CNTNAP2: variants seen among roughly 807,000 people sequenced by gnomAD.
CNTNAP2 encodes the protein contactin associated protein 2.
In CNTNAP2, 98 loss-of-function variants were observed where a neutral mutation model predicts 155.2. The ratio of observed to expected loss-of-function variants is 0.63; its 90% CI spans 0.54 to 0.75. CNTNAP2 has a LOEUF of 0.75. CNTNAP2 is among the 30% of genes least tolerant of loss of function. CNTNAP2 has a pLI of 0.00. For synonymous variants in CNTNAP2, 651 were observed against 631.2 expected, an observed-to-expected ratio of 1.03 and a Z score of -0.47; for missense variants, 1,727 against 1,688.1, an observed-to-expected ratio of 1.02 and a Z score of -0.40.
chr7:147,861,755 G>A (rs1367821920), intron 13 of CNTNAP2, among the ~76,000 whole-genome samples: 1 of 151,974 alleles, frequency 6.6e-6, no homozygotes, highest in Non-Finnish European at 1.5e-5. Flanking sequence ...GTGGCTCATG[G>A]CTGTAATCCC....
At chr7:148,253,853 C>T (rs1442894717) in intron 20 of CNTNAP2, among the ~76,000 whole-genome samples, 2 of 152,144 alleles carry the variant, frequency 1.3e-5, no homozygotes, top group East Asian at 3.9e-4. Flanking sequence ...ACAATATCCT[C>T]GGGGTATCGG....
chr7:147,272,658 C>A (rs563613452), intron 8 of CNTNAP2, among the ~76,000 whole-genome samples: 1,708 of 136,628 alleles, frequency 0.013, 30 homozygotes, highest in African/African-American at 0.041. Context: ...CCACCACGCC[C>A]GGCTAATTTT....
intron 3 of CNTNAP2, among the ~76,000 whole-genome samples, chr7:146,903,562 C>T (rs1796049997): frequency 6.6e-6 from 1 of 152,138 alleles, no homozygotes; most frequent in South Asian, 2.1e-4. Context: ...GTGAATTCAT[C>T]AAGAAGATTT....
At chr7:148,339,827 T>C (rs895553288) in intron 21 of CNTNAP2, among the ~76,000 whole-genome samples, 1 of 152,182 alleles carries the variant, frequency 6.6e-6, no homozygotes, top group Non-Finnish European at 1.5e-5. Flanking sequence ...ATTCTTGATC[T>C]TCTCTCTGCA....
At chr7:146,891,170 C>G (rs1234676459) in intron 3 of CNTNAP2, among the ~76,000 whole-genome samples, 1 of 152,094 alleles carries the variant, frequency 6.6e-6, no homozygotes, top group Non-Finnish European at 1.5e-5. Context: ...CATACACTAT[C>G]ATTTATACGT....
intron 9 of CNTNAP2, among the ~76,000 whole-genome samples, chr7:147,308,686 A>C (rs1051576179): frequency 2.0e-5 from 3 of 152,188 alleles, no homozygotes; most frequent in African/African-American, 4.8e-5. Flanking sequence ...AAAACTAAGG[A>C]ATTTGTTCTG....
At chr7:146,570,568 G>A (rs1211903153) in intron 1 of CNTNAP2, among the ~76,000 whole-genome samples, 1 of 152,086 alleles carries the variant, frequency 6.6e-6, no homozygotes, top group Admixed American at 6.6e-5. Flanking sequence ...AATAATGGTT[G>A]ATGATTTTCA....
Position 147,531,386 on chromosome 7 carries a change from A to G in CNTNAP2, c.1778-30752A>G, listed in dbSNP as rs536703929. 1.6e-4 allele frequency among the ~76,000 whole-genome samples: 25 copies of G among 152,328 alleles called. 1 individual carries two copies. The South Asian group carries it at 5.0e-3, about 30-fold the overall frequency. On this transcript the variant is annotated intron_variant, in intron 11 of 23. Coordinates refer to ENST00000361727, the MANE Select transcript of CNTNAP2 (RefSeq NM_014141.6). ...CCCTGCAGCAAATTTCTGCCTTAGCATCTAGGCGCTTCCATACATCCTCTG... is the reference window on the plus strand; with the variant it reads ...CCCTGCAGCAAATTTCTGCCTTAGCGTCTAGGCGCTTCCATACATCCTCTG...
intron 10 of CNTNAP2, among the ~76,000 whole-genome samples, chr7:147,430,300 G>C (rs1797443676): frequency 6.6e-6 from 1 of 152,126 alleles, no homozygotes; most frequent in African/African-American, 2.4e-5. Context: ...AAAGAGATTT[G>C]ATAATGACCC....
chr7:146,358,065 C>A (rs186168249), intron 1 of CNTNAP2, among the ~76,000 whole-genome samples: 84 of 151,240 alleles, frequency 5.6e-4, no homozygotes, highest in Non-Finnish European at 1.5e-4. Flanking sequence ...GATGGAGCCT[C>A]GCTCGCTTGC....
intron 13 of CNTNAP2, among the ~76,000 whole-genome samples, chr7:147,896,374 C>A (rs187431634): frequency 1.3e-5 from 2 of 152,218 alleles, no homozygotes; most frequent in East Asian, 3.9e-4. Context: ...TAGACAGAGT[C>A]GATTCATCAA....
intron 14 of CNTNAP2, among the ~76,000 whole-genome samples, chr7:147,919,459 CTT>C (rs796710849): frequency 2.7e-4 from 14 of 51,222 alleles, no homozygotes; most frequent in African/African-American, 1.2e-3. Flanking sequence ...CTTTTTCTTT[CTT>C]TTTTTTTTTT....
At chr7:147,002,246 G>T (rs1798439159) in intron 3 of CNTNAP2, among the ~76,000 whole-genome samples, 1 of 151,944 alleles carries the variant, frequency 6.6e-6, no homozygotes, top group Admixed American at 6.6e-5. Context: ...CACTCACATA[G>T]AGACATGTAA....
At chr7:147,773,802 C>T (rs890727159) in intron 13 of CNTNAP2, among the ~76,000 whole-genome samples, 2 of 152,266 alleles carry the variant, frequency 1.3e-5, no homozygotes, top group Non-Finnish European at 1.5e-5. Flanking sequence ...CCAGTCTAAA[C>T]TTCCTAATAG....
intron 1 of CNTNAP2, among the ~76,000 whole-genome samples, chr7:146,554,339 C>T (rs1282561464): frequency 6.6e-6 from 1 of 152,124 alleles, no homozygotes; most frequent in Non-Finnish European, 1.5e-5. Flanking sequence ...AGATTGGGTT[C>T]ATGTGGATTT....
intron 9 of CNTNAP2, among the ~76,000 whole-genome samples, chr7:147,339,808 A>T (rs1198197797): frequency 6.6e-6 from 1 of 152,146 alleles, no homozygotes; most frequent in East Asian, 1.9e-4. Flanking sequence ...CATATCCTCA[A>T]AATAAATTTG....
chr7:147,923,168 A>G (rs1370254144), intron 14 of CNTNAP2, among the ~76,000 whole-genome samples: 2 of 152,198 alleles, frequency 1.3e-5, no homozygotes, highest in Non-Finnish European at 2.9e-5. Flanking sequence ...CAGTGTTAAC[A>G]GTTGAATTGT....
chr7:146,260,146 G>C (rs1345757506), intron 1 of CNTNAP2, among the ~76,000 whole-genome samples: 4 of 152,186 alleles, frequency 2.6e-5, no homozygotes, highest in African/African-American at 7.2e-5. Context: ...TGGGCCTGAG[G>C]GTGCATAGAA....
At chr7:147,862,981 G>A (rs1799163196) in intron 13 of CNTNAP2, among the ~76,000 whole-genome samples, 1 of 152,104 alleles carries the variant, frequency 6.6e-6, no homozygotes, top group African/African-American at 2.4e-5. Flanking sequence ...TTCACAACGT[G>A]CAGGTTTGAT....
Sources: allele counts gnomAD v4.1 joint callset (sites outside exome capture counted in the v4.1 genomes callset), GRCh38; gene constraint gnomAD v4.1.1; transcripts MANE v1.5; gene names NCBI Gene and HGNC (gene_info 2026-07-23, HGNC 2026-07-21).